The following SRPK2 variants were observed in gnomAD, a reference collection of about 807,000 sequenced individuals.
The protein encoded by SRPK2 is SFRS protein kinase 2.
A neutral mutation model predicts 90.8 loss-of-function variants in SRPK2; 21 were observed. That is an observed-to-expected ratio of 0.23 (90% CI 0.16 to 0.33). SRPK2 has a LOEUF of 0.33. Ranked by LOEUF, SRPK2 falls within the 10% of genes least tolerant of loss-of-function variation. SRPK2 has a pLI of 1.00. For missense variants in SRPK2, 620 were observed against 869.0 expected, an observed-to-expected ratio of 0.71 and a Z score of 3.60; for synonymous variants, 288 against 311.1, an observed-to-expected ratio of 0.93 and a Z score of 0.78.
chr7:105,143,433 T>G, intron 9 of SRPK2, 103 bp from the exon 10 acceptor site: 1 of 1,398,650 alleles, frequency 7.1e-7, no homozygotes, highest in Non-Finnish European at 9.6e-7. Flanking sequence ...TGCTTTCTCA[T>G]GCCATATTCT....
intron 9 of SRPK2, chr7:105,143,683 C>T (rs1025183174): frequency 4.2e-6 from 1 of 240,752 alleles, no homozygotes; most frequent in Admixed American, 5.1e-5. Flanking sequence ...TGTCTATATA[C>T]AAAGTAACAA....
At chr7:105,359,349 G>T (rs1452764000) in intron 2 of SRPK2, among the ~76,000 whole-genome samples, 1 of 151,638 alleles carries the variant, frequency 6.6e-6, no homozygotes, top group Admixed American at 6.6e-5. Flanking sequence ...TAGTAGAGAT[G>T]GGGTTTCACT....
At chr7:105,197,446 G>A (rs866030276) in intron 3 of SRPK2, among the ~76,000 whole-genome samples, 1 of 152,152 alleles carries the variant, frequency 6.6e-6, no homozygotes. Flanking sequence ...ATTCTGATCT[G>A]CCAGTCAGCA....
chr7:105,311,294 G>A (rs887925293), intron 2 of SRPK2, among the ~76,000 whole-genome samples: 2 of 151,902 alleles, frequency 1.3e-5, no homozygotes, highest in Admixed American at 6.6e-5. Context: ...GTACAATGGC[G>A]CGATCTGGAC....
intron 7 of SRPK2, among the ~76,000 whole-genome samples, chr7:105,154,133 T>A (rs1806153612): frequency 6.6e-6 from 1 of 152,220 alleles, no homozygotes; most frequent in Non-Finnish European, 1.5e-5. Context: ...TTTTCTTTCA[T>A]CTCTAACTGG....
intron 2 of SRPK2, among the ~76,000 whole-genome samples, chr7:105,244,359 C>T (rs1801272464): frequency 6.6e-6 from 1 of 152,202 alleles, no homozygotes; most frequent in African/African-American, 2.4e-5. Context: ...CATCTGAGGT[C>T]AGGAATTCAA....
chr7:105,335,119 C>G (rs1376501446), intron 2 of SRPK2, among the ~76,000 whole-genome samples: 3 of 152,036 alleles, frequency 2.0e-5, no homozygotes, highest in Non-Finnish European at 2.9e-5. Flanking sequence ...TACAGTGAGC[C>G]GAGATCGCAC....
chr7:105,270,215 GGGT>G lies in SRPK2; in HGVS notation c.72-66433_72-66431del, dbSNP rs557248844. Among the ~76,000 whole-genome samples, 164 of 152,284 alleles carry G rather than the reference GGGT, an allele frequency of 1.1e-3. 1 individual carries two copies. The highest frequency in any genetic ancestry group is 3.8e-3 in the African/African-American group (160 of 41,572). On this transcript the variant is annotated intron_variant, in intron 2 of 15. Coordinates refer to ENST00000393651, the MANE Select transcript of SRPK2 (RefSeq NM_182692.3). ...TGATGAGAGAGCAGAATCTACCACA[GGGT>G]GTAGCCAAGCTGCCGAGCCACTGGG... is the stretch of plus-strand genomic sequence containing the variant.
intron 6 of SRPK2, among the ~76,000 whole-genome samples, chr7:105,161,596 A>T (rs1220689723): frequency 6.6e-6 from 1 of 152,062 alleles, no homozygotes; most frequent in Non-Finnish European, 1.5e-5. Context: ...ATCTCAGCAC[A>T]CTCCCTGGAA....
chr7:105,121,387 A>AAGAG (rs1554406195), intron 15 of SRPK2, among the ~76,000 whole-genome samples: 17 of 148,512 alleles, frequency 1.1e-4, no homozygotes, highest in African/African-American at 2.2e-4. Flanking sequence ...TAAAAAAAAA[A>AAGAG]AGAGAGAAAA....
chr7:105,235,971 G>C (rs889187319), intron 2 of SRPK2, among the ~76,000 whole-genome samples: 3 of 152,186 alleles, frequency 2.0e-5, no homozygotes, highest in South Asian at 2.1e-4. Context: ...AGGTACATTA[G>C]AGGAAAAGCA....
At chr7:105,173,304 C>T (rs552605875) in intron 3 of SRPK2, among the ~76,000 whole-genome samples, 2 of 152,234 alleles carry the variant, frequency 1.3e-5, no homozygotes, top group Non-Finnish European at 2.9e-5. Context: ...GAAAGTATAA[C>T]GCACTTAACT....
chr7:105,380,617 G>A (rs949884508), intron 2 of SRPK2, among the ~76,000 whole-genome samples: 1 of 150,052 alleles, frequency 6.7e-6, no homozygotes, highest in East Asian at 2.0e-4. Flanking sequence ...TCTGCCTCCC[G>A]GGTTCAAGCA....
chr7:105,290,769 T>C (rs1450054808), intron 2 of SRPK2, among the ~76,000 whole-genome samples: 1 of 151,664 alleles, frequency 6.6e-6, no homozygotes, highest in African/African-American at 2.4e-5. Flanking sequence ...CCGGGCGCGG[T>C]GGCTCACGCC....
chr7:105,117,825 T>C lies in SRPK2; in HGVS notation c.*13A>G, dbSNP rs751928390. On this transcript the variant is annotated 3_prime_UTR_variant, in exon 16 of 16. Transcript: ENST00000393651. ...ACATTTGCTAGCTCAGAATGCAATA[T>C]TGGTAGAATTTGCTAAGAATTCAAC... is the stretch of plus-strand genomic sequence containing the variant. The C allele has an allele frequency of 1.9e-6, 3 of 1,612,132 alleles. No homozygotes were observed. Among genetic ancestry groups the C allele is most frequent in the East Asian group, 2.2e-5 (1 of 44,850 alleles).
At chr7:105,245,197 A>G (rs1266839429) in intron 2 of SRPK2, among the ~76,000 whole-genome samples, 1 of 150,388 alleles carries the variant, frequency 6.6e-6, no homozygotes, top group Non-Finnish European at 1.5e-5. Context: ...AGACAGTTAA[A>G]GCTCCTTGCG....
At chr7:105,249,055 T>C (rs1802126368) in intron 2 of SRPK2, among the ~76,000 whole-genome samples, 1 of 152,174 alleles carries the variant, frequency 6.6e-6, no homozygotes, top group South Asian at 2.1e-4. Context: ...ACATCACACC[T>C]CGTCTCTCAG....
chr7:105,221,649 C>A (rs1798110870), intron 2 of SRPK2, among the ~76,000 whole-genome samples: 1 of 152,056 alleles, frequency 6.6e-6, no homozygotes, highest in Non-Finnish European at 1.5e-5. Flanking sequence ...GTGGTGTCTC[C>A]CTTATATAAC....
chr7:105,359,549 C>G (rs997681283), intron 2 of SRPK2, among the ~76,000 whole-genome samples: 1 of 152,140 alleles, frequency 6.6e-6, no homozygotes, highest in Non-Finnish European at 1.5e-5. Flanking sequence ...CTTCAATAAT[C>G]AGAACGCCTC....
Sources: allele counts gnomAD v4.1 joint callset (sites outside exome capture counted in the v4.1 genomes callset), GRCh38; gene constraint gnomAD v4.1.1; transcripts MANE v1.5; gene names NCBI Gene and HGNC (gene_info 2026-07-23, HGNC 2026-07-21).